Variants in CNTLN observed in about 807,000 individuals in gnomAD.
CNTLN encodes centlein, centrosomal protein.
In CNTLN, 212 loss-of-function variants were observed where a neutral mutation model predicts 180.0. The observed-to-expected ratio is 1.18, with a 90% confidence interval of 1.05 to 1.32. CNTLN has a LOEUF of 1.32. Ranked by LOEUF, CNTLN falls within the 40% of genes most tolerant of loss-of-function variation. The probability of loss-of-function intolerance (pLI) is 0.00; values close to 1 mark genes in which losing one functional copy is unlikely to be tolerated. For missense variants in CNTLN, 2,095 were observed against 1,610.9 expected (o/e 1.30, Z -5.14); for synonymous variants, 722 against 563.1 (o/e 1.28, Z -3.99).
rs1404298079 is a variant in CNTLN at position 17,441,741 on chromosome 9, A to T, written c.3115-15783A>T. On this transcript the variant is annotated intron_variant, in intron 18 of 25. Transcript: ENST00000380647. Reference sequence around the variant, plus strand: ...TATAAATGGATTACATTCCCCAGTCAAGAGATGGAGAGTTGCCGAATGGAT... The same window carrying T: ...TATAAATGGATTACATTCCCCAGTCTAGAGATGGAGAGTTGCCGAATGGAT... Among the ~76,000 whole-genome samples, 3 of 152,154 alleles carry T rather than the reference A, an allele frequency of 2.0e-5. No homozygotes were observed. In the East Asian group the frequency reaches 5.8e-4, roughly 29 times the overall value.
chr9:17,285,252 G>C (rs1304933792), intron 6 of CNTLN, among the ~76,000 whole-genome samples: 1 of 148,160 alleles, frequency 6.7e-6, no homozygotes, highest in African/African-American at 2.5e-5. Context: ...AGTATATGCC[G>C]TGTTTGGTTT....
At chr9:17,483,879 G>A (rs916886791) in intron 23 of CNTLN, among the ~76,000 whole-genome samples, 1 of 152,060 alleles carries the variant, frequency 6.6e-6, no homozygotes, top group African/African-American at 2.4e-5. Context: ...TCTTTCATTG[G>A]TTTATGTAAC....
chr9:17,481,659 C>T (rs547800583), intron 23 of CNTLN, among the ~76,000 whole-genome samples: 1 of 152,326 alleles, frequency 6.6e-6, no homozygotes, highest in Non-Finnish European at 1.5e-5. Flanking sequence ...GGATGCCCCC[C>T]AACTGTGGAT....
intron 2 of CNTLN, among the ~76,000 whole-genome samples, chr9:17,161,003 TAGAA>T (rs1819639346): frequency 6.6e-6 from 1 of 152,160 alleles, no homozygotes; most frequent in Non-Finnish European, 1.5e-5. Flanking sequence ...AAGACATTTG[TAGAA>T]AGAGACAATT....
chr9:17,523,359 CT>C, the CNTLN span, among the ~76,000 whole-genome samples: 257 of 152,198 alleles, frequency 1.7e-3, 1 homozygote, highest in African/African-American at 5.9e-3. Flanking sequence ...CCTTAGCCCC[CT>C]TGAGTAGCTG....
chr9:17,401,238 T>C (rs904287367), intron 15 of CNTLN, among the ~76,000 whole-genome samples: 12 of 152,186 alleles, frequency 7.9e-5, no homozygotes, highest in African/African-American at 2.7e-4. Flanking sequence ...TGTTAAGTTT[T>C]TGATGGATGA....
intron 12 of CNTLN, among the ~76,000 whole-genome samples, chr9:17,358,717 A>T (rs1299383316): frequency 6.6e-6 from 1 of 152,196 alleles, no homozygotes; most frequent in Non-Finnish European, 1.5e-5. Context: ...ACTTCTAGTT[A>T]GAAACACTAA....
intron 23 of CNTLN, among the ~76,000 whole-genome samples, chr9:17,472,551 A>G (rs1365102300): frequency 6.6e-6 from 1 of 152,056 alleles, no homozygotes; most frequent in Non-Finnish European, 1.5e-5. Context: ...CCCCTGATGT[A>G]TGGTTCTCAA....
intron 7 of CNTLN, among the ~76,000 whole-genome samples, chr9:17,305,691 G>C (rs553594961): frequency 6.6e-6 from 1 of 152,244 alleles, no homozygotes; most frequent in South Asian, 2.1e-4. Flanking sequence ...AATAAAGCTA[G>C]ATTTAACCTT....
chr9:17,183,531 T>C (rs1261916040), intron 2 of CNTLN, among the ~76,000 whole-genome samples: 6 of 151,822 alleles, frequency 4.0e-5, no homozygotes, highest in Non-Finnish European at 8.8e-5. Context: ...TAAATAGAAT[T>C]GCAAACAATA....
intron 2 of CNTLN, among the ~76,000 whole-genome samples, chr9:17,220,640 A>G (rs952197450): frequency 6.6e-6 from 1 of 152,120 alleles, no homozygotes; most frequent in Non-Finnish European, 1.5e-5. Context: ...CTGTGCAGCC[A>G]TGGGTTCTCA....
At chr9:17,279,829 T>TGGGCCTTTACGAGGCCGTTGGGTCATGA (rs71331479) in intron 6 of CNTLN, among the ~76,000 whole-genome samples, 1 of 122,182 alleles carries the variant, frequency 8.2e-6, no homozygotes, top group Non-Finnish European at 1.7e-5. Flanking sequence ...TGTGGGACAT[T>TGGGCCTTTACGAGGCCGTTGGGTCATGA]GGGCTCTGCC....
At position 17,268,021 on chromosome 9, in the gene CNTLN, C is replaced by A. The variant is rs186202333; in HGVS notation, c.850-5712C>A. Among the ~76,000 whole-genome samples the A allele has an allele frequency of 2.1e-3, 322 of 152,202 alleles. 1 individual carries two copies. Among genetic ancestry groups the A allele is most frequent in the African/African-American group, 7.3e-3 (304 of 41,512 alleles). On this transcript the variant is annotated intron_variant, in intron 5 of 25. Coordinates refer to ENST00000380647, the MANE Select transcript of CNTLN (RefSeq NM_017738.4). ...CTTGGAGTAGTTTGACTGTTTGAAG[C>A]CTTCTTCTCTCAACTTGTCAAAGTC...
At chr9:17,358,381 T>C (rs1193117107) in intron 12 of CNTLN, among the ~76,000 whole-genome samples, 1 of 152,074 alleles carries the variant, frequency 6.6e-6, no homozygotes, top group African/African-American at 2.4e-5. Context: ...GTATATATAC[T>C]ATGATATAAT....
intron 2 of CNTLN, among the ~76,000 whole-genome samples, chr9:17,185,477 T>C (rs1157023876): frequency 2.0e-5 from 3 of 152,222 alleles, no homozygotes; most frequent in African/African-American, 7.2e-5. Context: ...TTCTTTTTAA[T>C]TGTCATTTGG....
At chr9:17,516,539 G>A in the CNTLN span, among the ~76,000 whole-genome samples, 1 of 152,160 alleles carries the variant, frequency 6.6e-6, no homozygotes, top group South Asian at 2.1e-4. Context: ...TGGACAAAGG[G>A]GGAGTCTGAC....
At chr9:17,481,739 C>G (rs566496418) in intron 23 of CNTLN, among the ~76,000 whole-genome samples, 1 of 152,210 alleles carries the variant, frequency 6.6e-6, no homozygotes, top group Non-Finnish European at 1.5e-5. Flanking sequence ...ATGAGCATAG[C>G]CTGTGATCCT....
At chr9:17,172,722 G>A (rs1230744075) in intron 2 of CNTLN, among the ~76,000 whole-genome samples, 1 of 151,978 alleles carries the variant, frequency 6.6e-6, no homozygotes, top group East Asian at 1.9e-4. Context: ...CTTAGAAAAG[G>A]CTGAACTTAG....
At chr9:17,360,340 C>T (rs184078448) in intron 12 of CNTLN, among the ~76,000 whole-genome samples, 39 of 152,280 alleles carry the variant, frequency 2.6e-4, no homozygotes, top group African/African-American at 9.1e-4. Flanking sequence ...ACTCCTAATA[C>T]AGCATGGGTA....
Sources: gnomAD v4.1 joint callset for allele counts (sites outside exome capture counted in the v4.1 genomes callset) on GRCh38, gnomAD v4.1.1 for gene constraint, MANE v1.5 for transcripts, NCBI Gene and HGNC (gene_info 2026-07-23, HGNC 2026-07-21) for gene names.